Variants in COBL observed in about 807,000 individuals in gnomAD.
The protein encoded by COBL is protein cordon-bleu.
Under a neutral mutation model 98.8 loss-of-function variants are expected in COBL, and 51 were observed. The ratio of observed to expected loss-of-function variants is 0.52; its 90% CI spans 0.41 to 0.65. COBL has a LOEUF of 0.65. COBL is among the 30% of genes least tolerant of loss of function. The pLI is 0.00. For missense variants in COBL, 1,617 were observed against 1,617.5 expected (o/e 1.00, Z 0.01); for synonymous variants, 634 against 651.7 (o/e 0.97, Z 0.41).
chr7:51,197,393 T>A (rs1300434178), intron 2 of COBL, among the ~76,000 whole-genome samples: 2 of 152,306 alleles, frequency 1.3e-5, no homozygotes, highest in Admixed American at 6.5e-5. Flanking sequence ...GATTGGTTGT[T>A]ATTATTTAAG....
intron 6 of COBL, among the ~76,000 whole-genome samples, chr7:51,090,698 T>C (rs982896652): frequency 3.3e-5 from 5 of 152,224 alleles, no homozygotes; most frequent in African/African-American, 4.8e-5. Context: ...CCCAGCTCAC[T>C]GCTTATCCCT....
At chr7:51,157,350 G>T (rs1482277284) in intron 5 of COBL, among the ~76,000 whole-genome samples, 1 of 152,220 alleles carries the variant, frequency 6.6e-6, no homozygotes, top group Non-Finnish European at 1.5e-5. Flanking sequence ...TCCAGCCTGG[G>T]CAACACAGCA....
chr7:51,037,943 C>G (rs1251514464), intron 8 of COBL, among the ~76,000 whole-genome samples: 1 of 152,136 alleles, frequency 6.6e-6, no homozygotes, highest in Non-Finnish European at 1.5e-5. Flanking sequence ...CCTCTGCCTC[C>G]TGGGTTCAAG....
At chr7:51,165,285 TG>T (rs2129038222) in intron 5 of COBL, among the ~76,000 whole-genome samples, 1 of 152,072 alleles carries the variant, frequency 6.6e-6, no homozygotes, top group East Asian at 1.9e-4. Context: ...AGATATTCCA[TG>T]CCAATGGAAA....
intron 1 of COBL, among the ~76,000 whole-genome samples, chr7:51,279,783 T>C (rs1169971750): frequency 6.6e-6 from 1 of 152,188 alleles, no homozygotes. Context: ...TCCTGCTCTT[T>C]CCCCCTCCTG....
At chr7:51,159,309 T>C (rs1397037559) in intron 5 of COBL, among the ~76,000 whole-genome samples, 1 of 152,088 alleles carries the variant, frequency 6.6e-6, no homozygotes, top group African/African-American at 2.4e-5. Context: ...ATCCTAGATG[T>C]ATCTTGAAGG....
At chr7:51,017,707 A>C (rs1786410186) in intron 12 of COBL, 139 bp from the exon 13 acceptor site, 1 of 871,258 alleles carries the variant, frequency 1.1e-6, no homozygotes, top group African/African-American at 1.6e-5. Flanking sequence ...TTTGACCTGC[A>C]GAAAGGAGGC....
At chr7:51,288,204 C>G (rs1186879924) in intron 1 of COBL, among the ~76,000 whole-genome samples, 1 of 151,948 alleles carries the variant, frequency 6.6e-6, no homozygotes, top group African/African-American at 2.4e-5. Flanking sequence ...GAGGCCGAGG[C>G]GGGTGGATCA....
rs1235175857 is a variant in COBL, at chr7:51,028,193, G to A, written c.2903C>T (p.Ala968Val). Reference protein sequence around the residue: ...HRKLSTQDRPAAIHRSSCFSL... With the variant: ...HRKLSTQDRPVAIHRSSCFSL... The stretch of plus-strand genomic sequence containing the variant: ...GAAACAGGAGCTTCTGTGGATAGCA[G>A]CAGGTCTGTCCTGAGTAGACAACTT... Residue 968 changes from alanine to valine, a missense_variant, in exon 10 of 13, where the codon GCT becomes GTT. Around this residue, in one of 3 missense-constraint regions of COBL, gnomAD observed 1,304 missense variants for 1,282.0 expected, o/e 1.02. Coordinates refer to ENST00000265136, the MANE Select transcript of COBL (RefSeq NM_015198.5). The A allele has an allele frequency of 6.2e-7, 1 of 1,614,140 alleles. No individual in the cohort carries two copies. Among genetic ancestry groups the A allele is most frequent in the Non-Finnish European group, 8.5e-7 (1 of 1,180,050 alleles).
intron 6 of COBL, among the ~76,000 whole-genome samples, chr7:51,126,503 C>T (rs552518987): frequency 6.6e-6 from 1 of 152,278 alleles, no homozygotes; most frequent in Non-Finnish European, 1.5e-5. Context: ...TGCCTGAGTG[C>T]CCTTCTTGGG....
intron 5 of COBL, among the ~76,000 whole-genome samples, chr7:51,170,573 CAT>C (rs571423273): frequency 2.0e-5 from 3 of 147,268 alleles, no homozygotes; most frequent in Non-Finnish European, 4.5e-5. Flanking sequence ...ATATGTATCA[CAT>C]ATATATATAA....
At chr7:51,084,532 C>T (rs775652410) in intron 7 of COBL, among the ~76,000 whole-genome samples, 1 of 152,134 alleles carries the variant, frequency 6.6e-6, no homozygotes, top group East Asian at 1.9e-4. Flanking sequence ...TGGACCTGGA[C>T]AGCGCCATCA....
rs565150410 is a variant in COBL, at chr7:51,305,808, TG to T, written c.41+10784del. Among the ~76,000 whole-genome samples, 65 of 151,160 alleles carry T rather than the reference TG, an allele frequency of 4.3e-4. 3 individuals are homozygous for T. In the South Asian group the frequency reaches 0.013, roughly 31 times the overall value. On this transcript the variant is annotated intron_variant, in intron 1 of 12. Coordinates refer to ENST00000265136, the MANE Select transcript of COBL (RefSeq NM_015198.5). ...CCAGCCCTTTGGGAGGCCAAGGCGG[TG>T]GATCACTTGAGGTCAGGAGTTCGAG...
chr7:51,294,034 T>C (rs1278967412), intron 1 of COBL, among the ~76,000 whole-genome samples: 1 of 152,186 alleles, frequency 6.6e-6, no homozygotes, highest in Non-Finnish European at 1.5e-5. Context: ...CTCATGCCTA[T>C]AATCTCAGCA....
At chr7:51,085,571 G>C (rs1034030208) in intron 6 of COBL, among the ~76,000 whole-genome samples, 3 of 152,160 alleles carry the variant, frequency 2.0e-5, no homozygotes, top group African/African-American at 7.2e-5. Context: ...TATGAGCAGG[G>C]AGCTCATATT....
intron 1 of COBL, among the ~76,000 whole-genome samples, chr7:51,306,043 C>T (rs749496623): frequency 2.0e-5 from 3 of 151,170 alleles, no homozygotes; most frequent in East Asian, 2.0e-4. Flanking sequence ...TGTCTTGGGG[C>T]GGGGGTGGGG....
intron 1 of COBL, among the ~76,000 whole-genome samples, chr7:51,243,381 C>T (rs535033652): frequency 1.3e-5 from 2 of 152,332 alleles, no homozygotes; most frequent in East Asian, 3.9e-4. Context: ...GGTGATGTCA[C>T]TGCCCTCATG....
At chr7:51,128,362 T>C (rs1798418137) in intron 6 of COBL, among the ~76,000 whole-genome samples, 1 of 152,156 alleles carries the variant, frequency 6.6e-6, no homozygotes, top group Non-Finnish European at 1.5e-5. Flanking sequence ...GTGGGATATG[T>C]GTGCGTGTAT....
chr7:51,226,538 G>GTGAGTGAGTGAC (rs1360510643), intron 1 of COBL, among the ~76,000 whole-genome samples: 1 of 152,044 alleles, frequency 6.6e-6, no homozygotes, highest in Non-Finnish European at 1.5e-5. Flanking sequence ...GAGTGAGTGA[G>GTGAGTGAGTGAC]TGAGTGAGTA....
Sources: allele counts gnomAD v4.1 joint callset (sites outside exome capture counted in the v4.1 genomes callset), GRCh38; gene constraint gnomAD v4.1.1; regional missense constraint gnomAD v4.1.1; transcripts MANE v1.5; gene names NCBI Gene and HGNC (gene_info 2026-07-23, HGNC 2026-07-21).